Variants in ADAMTSL1 observed in about 807,000 individuals in gnomAD.
ADAMTSL1 encodes ADAMTS-like protein 1.
ADAMTSL1 carries 126 observed loss-of-function variants against 201.8 expected under a neutral mutation model. The observed-to-expected ratio is 0.62, with a 90% CI of 0.54 to 0.72. The LOEUF is 0.72. Ranked by LOEUF, ADAMTSL1 falls within the 30% of genes least tolerant of loss-of-function variation. The pLI, the probability that ADAMTSL1 is intolerant of heterozygous loss-of-function variation, is 0.00. For synonymous variants in ADAMTSL1, 1,121 were observed against 903.4 expected (o/e 1.24, Z -4.32); for missense variants, 2,679 against 2,277.8 (o/e 1.18, Z -3.59).
At chr9:18,131,384 G>T (rs1439136838) in intron 1 of ADAMTSL1, among the ~76,000 whole-genome samples, 1 of 152,160 alleles carries the variant, frequency 6.6e-6, no homozygotes, top group Non-Finnish European at 1.5e-5. Flanking sequence ...CATGACCACA[G>T]CATTACTGAA....
intron 1 of ADAMTSL1, among the ~76,000 whole-genome samples, chr9:18,485,291 T>C (rs1215148713): frequency 6.6e-6 from 1 of 152,174 alleles, no homozygotes; most frequent in East Asian, 1.9e-4. Context: ...AGGTACATGA[T>C]TTCAGAAGAA....
At chr9:18,840,626 C>T (rs1255949823) in intron 23 of ADAMTSL1, among the ~76,000 whole-genome samples, 3 of 152,174 alleles carry the variant, frequency 2.0e-5, no homozygotes, top group African/African-American at 7.2e-5. Flanking sequence ...TTACCTTTGG[C>T]AGTATGGACA....
At position 18,512,364 on chromosome 9, in the gene ADAMTSL1, G is replaced by T. The variant is rs191182410; in HGVS notation, c.191+7408G>T. On this transcript the variant is annotated intron_variant, in intron 2 of 28. Coordinates refer to ENST00000380548, the MANE Select transcript of ADAMTSL1 (RefSeq NM_001040272.6). ...AATTTGTTGGAATAAAAGATGGTTAGAAATGTGTTTGTTGTCCATAACATT... is the reference window on the plus strand; with the variant it reads ...AATTTGTTGGAATAAAAGATGGTTATAAATGTGTTTGTTGTCCATAACATT... 1.5e-3 allele frequency among the ~76,000 whole-genome samples: 221 copies of T among 152,092 alleles called. 2 individuals carry two copies. The highest frequency in any genetic ancestry group is 5.0e-3 in the African/African-American group (206 of 41,514).
chr9:18,665,633 G>C (rs560836975), intron 9 of ADAMTSL1, among the ~76,000 whole-genome samples: 1 of 152,000 alleles, frequency 6.6e-6, no homozygotes, highest in Admixed American at 6.6e-5. Context: ...TCTATTTTTT[G>C]GTTCTCATTC....
chr9:18,817,693 T>C (rs768347079), intron 21 of ADAMTSL1, among the ~76,000 whole-genome samples: 3 of 152,016 alleles, frequency 2.0e-5, no homozygotes, highest in Non-Finnish European at 2.9e-5. Context: ...GCCACCAGCA[T>C]TGAAGAAAAT....
intron 2 of ADAMTSL1, among the ~76,000 whole-genome samples, chr9:18,258,659 A>T (rs1831792682): frequency 6.6e-6 from 1 of 152,106 alleles, no homozygotes; most frequent in East Asian, 1.9e-4. Flanking sequence ...CCCCGCCCGC[A>T]TCATCGATCT....
intron 15 of ADAMTSL1, among the ~76,000 whole-genome samples, chr9:18,747,774 G>T (rs978495952): frequency 6.6e-6 from 1 of 152,122 alleles, no homozygotes; most frequent in African/African-American, 2.4e-5. Flanking sequence ...AGGGTGCTCT[G>T]CCCAGCCCAA....
intron 3 of ADAMTSL1, among the ~76,000 whole-genome samples, chr9:18,566,480 A>G (rs1012719429): frequency 6.6e-6 from 1 of 152,228 alleles, no homozygotes; most frequent in Non-Finnish European, 1.5e-5. Context: ...TGAGCAGGAT[A>G]AAGACAAATC....
intron 1 of ADAMTSL1, among the ~76,000 whole-genome samples, chr9:17,938,825 G>A (rs990989365): frequency 5.9e-5 from 9 of 152,056 alleles, no homozygotes; most frequent in African/African-American, 9.7e-5. Context: ...GCAGATTCAC[G>A]TTGTGTTTCC....
At chr9:18,905,674 C>G in intron 26 of ADAMTSL1, 108 bp from the exon 27 acceptor site, 1 of 782,348 alleles carries the variant, frequency 1.3e-6, no homozygotes, top group Non-Finnish European at 2.1e-6. Context: ...GTCTGAGAGC[C>G]TCCAACAAGA....
chr9:18,754,821 A>C (rs1343656062), intron 16 of ADAMTSL1, among the ~76,000 whole-genome samples: 1 of 152,236 alleles, frequency 6.6e-6, no homozygotes, highest in Non-Finnish European at 1.5e-5. Context: ...GTATATGGCT[A>C]AGTTCATTAA....
intron 3 of ADAMTSL1, among the ~76,000 whole-genome samples, chr9:18,538,262 C>T (rs776930405): frequency 6.6e-6 from 1 of 152,050 alleles, no homozygotes; most frequent in Admixed American, 6.6e-5. Context: ...TCCTAAGTTA[C>T]GGTGCCTCAT....
intron 1 of ADAMTSL1, among the ~76,000 whole-genome samples, chr9:17,931,780 T>C (rs1340939764): frequency 2.0e-5 from 3 of 152,106 alleles, no homozygotes; most frequent in Non-Finnish European, 2.9e-5. Context: ...GGTTCTTTAA[T>C]AGGATTAGCA....
At chr9:18,114,432 G>A (rs1168904521) in intron 1 of ADAMTSL1, among the ~76,000 whole-genome samples, 2 of 152,150 alleles carry the variant, frequency 1.3e-5, no homozygotes, top group East Asian at 1.9e-4. Flanking sequence ...AAGGCTGTAG[G>A]TATGTATTCT....
intron 2 of ADAMTSL1, among the ~76,000 whole-genome samples, chr9:18,516,970 T>C (rs1212600682): frequency 6.6e-6 from 1 of 152,222 alleles, no homozygotes; most frequent in Non-Finnish European, 1.5e-5. Context: ...AGAACTTTTG[T>C]CTCTAGCCAA....
At chr9:18,226,567 G>A (rs536517675) in intron 2 of ADAMTSL1, among the ~76,000 whole-genome samples, 29 of 152,144 alleles carry the variant, frequency 1.9e-4, no homozygotes, top group African/African-American at 4.3e-4. Flanking sequence ...AGATATTTCA[G>A]TTTCATTCTT....
chr9:18,476,925 C>T (rs567593986), intron 1 of ADAMTSL1, among the ~76,000 whole-genome samples: 1 of 152,210 alleles, frequency 6.6e-6, no homozygotes, highest in South Asian at 2.1e-4. Context: ...ATCCTTTCCC[C>T]TTGGAACTTA....
At chr9:18,106,898 G>T (rs564686178) in intron 1 of ADAMTSL1, among the ~76,000 whole-genome samples, 2 of 152,238 alleles carry the variant, frequency 1.3e-5, no homozygotes, top group Admixed American at 6.5e-5. Flanking sequence ...ACTGCATATT[G>T]CCAACGCCAT....
intron 1 of ADAMTSL1, among the ~76,000 whole-genome samples, chr9:18,005,257 C>T (rs10511650): frequency 0.08 from 12,191 of 151,988 alleles, 619 homozygotes; most frequent in African/African-American, 0.15. Context: ...GTGGCAGAGA[C>T]CTAGAAAACA....
Sources: gnomAD v4.1 joint callset for allele counts (sites outside exome capture counted in the v4.1 genomes callset) on GRCh38, gnomAD v4.1.1 for gene constraint, MANE v1.5 for transcripts, NCBI Gene and HGNC (gene_info 2026-07-23, HGNC 2026-07-21) for gene names.